Variants in STARD9 observed in about 807,000 individuals in gnomAD.
STARD9 encodes the protein StAR related lipid transfer domain containing 9.
A neutral mutation model predicts 399.8 loss-of-function variants in STARD9; 346 were observed. That is an observed-to-expected ratio of 0.87 (90% confidence interval 0.79 to 0.95). The LOEUF (loss-of-function observed/expected upper bound fraction) is 0.95, where lower values mean the gene tolerates loss of function less well. STARD9 is among the 40% of genes least tolerant of loss of function. The probability of loss-of-function intolerance (pLI) is 0.00; values close to 1 mark genes in which losing one functional copy is unlikely to be tolerated. For synonymous variants in STARD9, 2,203 were observed against 2,143.5 expected, an observed-to-expected ratio of 1.03 and a Z score of -0.77; for missense variants, 5,832 against 5,667.5, an observed-to-expected ratio of 1.03 and a Z score of -0.93.
intron 20 of STARD9, among the ~76,000 whole-genome samples, chr15:42,679,665 G>GAA (rs762938262): frequency 6.6e-5 from 10 of 152,180 alleles, no homozygotes; most frequent in Non-Finnish European, 1.3e-4. Flanking sequence ...TAAAAGGCCA[G>GAA]ATAGTATTTT....
At chr15:42,626,133 G>C (rs1453263530) in intron 3 of STARD9, among the ~76,000 whole-genome samples, 1 of 151,980 alleles carries the variant, frequency 6.6e-6, no homozygotes, top group Admixed American at 6.6e-5. Context: ...ATGTTGGCCA[G>C]GCTGGTCTCA....
At position 42,684,402 on chromosome 15, in the gene STARD9, C is replaced by A; in HGVS notation, c.2824C>A (p.His942Asn). The change falls in exon 23 of 33, where the codon CAT becomes AAT. Residue 942 changes from histidine (H) to asparagine (N), a missense_variant. By Grantham distance (68) the His-to-Asn change is moderately conservative. Coordinates refer to ENST00000290607, the MANE Select transcript of STARD9 (RefSeq NM_020759.3). ...AATGGAGATGGGGGTTAAGCAGCCC[C>A]ATCAGATGGTGAGCCAGGGCTTAGC... is the stretch of plus-strand genomic sequence containing the variant. Reference protein sequence around the residue: ...QEMEMGVKQPHQMVSQGLASL... With the variant: ...QEMEMGVKQPNQMVSQGLASL... 1.3e-6 allele frequency: 2 copies of A among 1,537,186 alleles called. No individual in the cohort carries two copies. The highest frequency in any genetic ancestry group is 1.7e-6 in the Non-Finnish European group (2 of 1,146,912).
At chr15:42,702,255 G>A (rs187892402) in intron 26 of STARD9, among the ~76,000 whole-genome samples, 74 of 152,196 alleles carry the variant, frequency 4.9e-4, no homozygotes, top group Non-Finnish European at 8.4e-4. Context: ...CCAAGCTGGA[G>A]TGCAGTGGCA....
Position 42,687,254 on chromosome 15 carries a change from G to C in STARD9, c.5676G>C (p.Gln1892His). Residue 1892 changes from glutamine (Q) to histidine (H), a missense_variant, in exon 23 of 33, where the codon CAG becomes CAC. This residue lies in a region of STARD9 where 5,828 missense variants were observed against 5,651.1 expected (regional missense o/e 1.03). Coordinates refer to ENST00000290607, the MANE Select transcript of STARD9 (RefSeq NM_020759.3). ...TTGAGGGAGGAGAGGTCACTGCTCA[G>C]TCCTGTTGCGGTGCTTCCTCAGACA... ...PALEGGEVTAQSCCGASSDST... is the reference protein window; with the variant it reads ...PALEGGEVTAHSCCGASSDST... 1 of 1,537,042 alleles carries C rather than the reference G, an allele frequency of 6.5e-7. No individual in the cohort carries two copies. The highest frequency in any genetic ancestry group is 8.7e-7 in the Non-Finnish European group (1 of 1,146,940).
At chr15:42,609,470 T>G (rs1251891611) in intron 3 of STARD9, among the ~76,000 whole-genome samples, 1 of 151,790 alleles carries the variant, frequency 6.6e-6, no homozygotes, top group East Asian at 1.9e-4. Context: ...AGATGGAGTC[T>G]TGCTCTGTCA....
intron 3 of STARD9, among the ~76,000 whole-genome samples, chr15:42,591,270 C>G (rs1372722393): frequency 2.6e-5 from 4 of 152,118 alleles, no homozygotes; most frequent in African/African-American, 9.7e-5. Flanking sequence ...GGTGGATCAC[C>G]TGAGGTCAGG....
At position 42,686,144 on chromosome 15, in the gene STARD9, A is replaced by C; in HGVS notation, c.4566A>C (p.Gln1522His). 7.2e-6 allele frequency: 11 copies of C among 1,537,322 alleles called. No individual in the cohort carries two copies. Among genetic ancestry groups the C allele is most frequent in the Non-Finnish European group, 9.6e-6 (11 of 1,146,922 alleles). The change falls in exon 23 of 33, where the codon CAA becomes CAC. Residue 1522 changes from glutamine (Q) to histidine (H), a missense_variant. Coordinates refer to ENST00000290607, the MANE Select transcript of STARD9 (RefSeq NM_020759.3). ...YLEEDSGSLA[Q>H]ASSKGGDTLL... ...AGGAAGACTCTGGTTCCCTGGCCCAAGCTTCTAGCAAAGGAGGAGATACTC... is the reference window on the plus strand; with the variant it reads ...AGGAAGACTCTGGTTCCCTGGCCCACGCTTCTAGCAAAGGAGGAGATACTC...
chr15:42,692,692 G>C lies in STARD9; in HGVS notation c.11114G>C (p.Arg3705Thr), dbSNP rs1164765203. The C allele has an allele frequency of 5.2e-6, 8 of 1,536,970 alleles. No individual in the cohort carries two copies. Among genetic ancestry groups the C allele is most frequent in the Non-Finnish European group, 1.7e-6 (2 of 1,146,884 alleles). The change falls in exon 23 of 33, where the codon AGA becomes ACA. Residue 3705 changes from arginine to threonine, a missense_variant. Arg to Thr is a moderately conservative substitution (Grantham distance 71, BLOSUM62 -1). Coordinates refer to ENST00000290607, the MANE Select transcript of STARD9 (RefSeq NM_020759.3). ...AGTCTCTCCCAGCCAGATGTGGCCAGAAGGGAGCAGAACACCAAGAGGGAC... is the reference window on the plus strand; with the variant it reads ...AGTCTCTCCCAGCCAGATGTGGCCACAAGGGAGCAGAACACCAAGAGGGAC... ...LGSLSQPDVA[R>T]REQNTKRDIP...
chr15:42,639,700 TAA>T (rs954376333), intron 7 of STARD9, among the ~76,000 whole-genome samples: 2 of 151,984 alleles, frequency 1.3e-5, no homozygotes, highest in African/African-American at 2.4e-5. Flanking sequence ...TTATCTCTAC[TAA>T]AAATACAAAA....
chr15:42,583,051 C>T (rs2058206479), intron 1 of STARD9, among the ~76,000 whole-genome samples: 1 of 152,140 alleles, frequency 6.6e-6, no homozygotes, highest in South Asian at 2.1e-4. Context: ...CAGGAGGATA[C>T]GTAGGAGGAT....
intron 4 of STARD9, 114 bp from the exon 5 acceptor site, chr15:42,637,793 A>T: frequency 9.2e-7 from 1 of 1,082,072 alleles, no homozygotes; most frequent in Non-Finnish European, 1.4e-6. Flanking sequence ...TGAAGAGGCT[A>T]GCACAAGGAG....
chr15:42,709,582 G>A (rs767006269), intron 26 of STARD9, among the ~76,000 whole-genome samples: 4 of 152,174 alleles, frequency 2.6e-5, no homozygotes, highest in Non-Finnish European at 2.9e-5. Flanking sequence ...CTACACAGAA[G>A]GCTGAGACAG....
chr15:42,638,777 T>C lies in STARD9; in HGVS notation c.524T>C (p.Val175Ala). The change falls in exon 7 of 33, where the codon GTC becomes GCC. Residue 175 changes from valine to alanine, a missense_variant. Val to Ala is a moderately conservative substitution (Grantham distance 64, BLOSUM62 0). Transcript: ENST00000290607. ...SGQKKSYTLR[V>A]REHPEMGPYV... ...CAAAAAAAGTCCTATACCCTGCGGGTCAGGGAGCATCCAGAGATGGGGCCC... is the reference window on the plus strand; with the variant it reads ...CAAAAAAAGTCCTATACCCTGCGGGCCAGGGAGCATCCAGAGATGGGGCCC... 6 of 1,536,290 alleles carry C rather than the reference T, an allele frequency of 3.9e-6. No homozygotes were observed. The highest frequency in any genetic ancestry group is 5.2e-6 in the Non-Finnish European group (6 of 1,146,246).
chr15:42,704,873 GATGCT>G (rs759382942), intron 26 of STARD9, among the ~76,000 whole-genome samples: 141 of 152,362 alleles, frequency 9.3e-4, no homozygotes, highest in African/African-American at 3.3e-3. Context: ...TGCCACAGCT[GATGCT>G]ATGCAGGGCT....
rs755649045 is a variant in STARD9, at chr15:42,693,325, G to T, written c.11747G>T (p.Gly3916Val). Reference protein sequence around the residue: ...ASTQEPGLSPGSLTLSAPSTH... With the variant: ...ASTQEPGLSPVSLTLSAPSTH... The stretch of plus-strand genomic sequence containing the variant: ...ACCCAAGAGCCGGGTCTTTCCCCAG[G>T]CTCTTTGACCCTCTCAGCCCCTTCA... The change falls in exon 23 of 33, where the codon GGC becomes GTC. Residue 3916 changes from glycine to valine, a missense_variant. Physicochemically the swap from Gly to Val is moderately radical, Grantham distance 109 (BLOSUM62 -3). This residue lies in a region of STARD9 where 5,828 missense variants were observed against 5,651.1 expected (regional missense o/e 1.03). Coordinates refer to ENST00000290607, the MANE Select transcript of STARD9 (RefSeq NM_020759.3). 2.0e-6 allele frequency: 3 copies of T among 1,537,092 alleles called. No individual in the cohort carries two copies. Among genetic ancestry groups the T allele is most frequent in the East Asian group, 2.4e-5 (1 of 40,912 alleles).
rs759388334 is a variant in STARD9 at position 42,690,874 on chromosome 15, A to C, written c.9296A>C (p.Glu3099Ala). The C allele has an allele frequency of 2.6e-6, 4 of 1,537,156 alleles. No individual in the cohort carries two copies. Among genetic ancestry groups the C allele is most frequent in the East Asian group, 2.4e-5 (1 of 40,912 alleles). ...GAGAAGCAAGCAAGCACAGAACTTGAGGCTGCCTCTTTCCCTGCAGGCATG... is the reference window on the plus strand; with the variant it reads ...GAGAAGCAAGCAAGCACAGAACTTGCGGCTGCCTCTTTCCCTGCAGGCATG... ...VAEKQASTEL[E>A]AASFPAGMYS... Residue 3099 changes from glutamate to alanine, a missense_variant, in exon 23 of 33, where the codon GAG becomes GCG. Physicochemically the swap from Glu to Ala is moderately radical, Grantham distance 107. Around this residue, in one of 2 missense-constraint regions of STARD9, gnomAD observed 5,828 missense variants for 5,651.1 expected, o/e 1.03. Transcript: ENST00000290607.
At chr15:42,605,552 G>A (rs2058709349) in intron 3 of STARD9, among the ~76,000 whole-genome samples, 1 of 152,236 alleles carries the variant, frequency 6.6e-6, no homozygotes, top group African/African-American at 2.4e-5. Context: ...GTCCTCAGGA[G>A]TGGAAGAGGT....
chr15:42,669,517 G>C, intron 16 of STARD9, 180 bp downstream of exon 16: 1 of 514,708 alleles, frequency 1.9e-6, no homozygotes. Flanking sequence ...TTTTGCCTTC[G>C]TATGTATAGA....
rs146753941 is a variant in STARD9, at chr15:42,711,673, C to T, written c.13285-5004C>T. Among the ~76,000 whole-genome samples, 1,352 of 152,090 alleles carry T rather than the reference C, an allele frequency of 8.9e-3. 15 individuals carry two copies. The highest frequency in any genetic ancestry group is 0.031 in the African/African-American group (1,287 of 41,478). ...TGAGAGCTTCATTCGTTTTTATGGC[C>T]GAGTAATACTCCATTATATGAATAA... On this transcript the variant is annotated intron_variant, in intron 26 of 32. Transcript: ENST00000290607.
Sources: allele counts gnomAD v4.1 joint callset (sites outside exome capture counted in the v4.1 genomes callset), GRCh38; gene constraint gnomAD v4.1.1; regional missense constraint gnomAD v4.1.1; transcripts MANE v1.5; gene names NCBI Gene and HGNC (gene_info 2026-07-23, HGNC 2026-07-21).